The following TTC7B variants were observed in gnomAD, a reference collection of about 807,000 sequenced individuals.
TTC7B encodes tetratricopeptide repeat domain 7B, also known as tetratricopeptide repeat protein 7B.
Under a neutral mutation model 106.8 loss-of-function variants are expected in TTC7B, and 28 were observed. The ratio of observed to expected loss-of-function variants is 0.26; its 90% CI spans 0.19 to 0.36. The LOEUF is 0.36. Ranked by LOEUF, TTC7B falls within the 10% of genes least tolerant of loss-of-function variation. TTC7B has a pLI of 1.00. For missense variants in TTC7B, 862 were observed against 1,076.4 expected, an observed-to-expected ratio of 0.80 and a Z score of 2.79; for synonymous variants, 405 against 430.6, an observed-to-expected ratio of 0.94 and a Z score of 0.74.
intron 19 of TTC7B, among the ~76,000 whole-genome samples, chr14:90,549,790 G>C (rs1890000270): frequency 6.6e-6 from 1 of 152,132 alleles, no homozygotes. Context: ...TAACCAAACG[G>C]GGGAGTTAGT....
intron 1 of TTC7B, among the ~76,000 whole-genome samples, chr14:90,809,669 C>T (rs1231842713): frequency 1.3e-5 from 2 of 152,282 alleles, no homozygotes; most frequent in East Asian, 1.9e-4. Flanking sequence ...CTCGGCCTGA[C>T]TTCCTTACTT....
In TTC7B at chr14:90,815,596, C is replaced by T. The variant is rs114612941; in HGVS notation, c.121+579G>A. ...GCAGCCTTGATGCTACTTCTCCGAA[C>T]GCCAGGACGCACATCCCAGCCTGCT... On this transcript the variant is annotated intron_variant, in intron 1 of 19. Transcript: ENST00000328459. Among the ~76,000 whole-genome samples, 882 of 152,192 alleles carry T rather than the reference C, an allele frequency of 5.8e-3. 14 individuals are homozygous for T. The highest frequency in any genetic ancestry group is 0.02 in the African/African-American group (846 of 41,492).
chr14:90,624,570 G>T lies in TTC7B; in HGVS notation c.1752-6525C>A, dbSNP rs1294116539. On this transcript the variant is annotated intron_variant, in intron 15 of 19. Coordinates refer to ENST00000328459, the MANE Select transcript of TTC7B (RefSeq NM_001010854.2). The surrounding 1 kb of genome is among the most constrained non-coding windows in gnomAD (Gnocchi z 4.0). ...CAGTGAGTCCCAGACTTGGGCAGGG[G>T]CCAAAGATAGAGTGAAAAGGGCAGA... 6.6e-6 allele frequency among the ~76,000 whole-genome samples: 1 copy of T among 152,228 alleles called. No individual in the cohort carries two copies. Among genetic ancestry groups the T allele is most frequent in the Non-Finnish European group, 1.5e-5 (1 of 68,038 alleles).
At chr14:90,787,262 C>T (rs1312581978) in intron 1 of TTC7B, among the ~76,000 whole-genome samples, 1 of 152,186 alleles carries the variant, frequency 6.6e-6, no homozygotes, top group Non-Finnish European at 1.5e-5. Flanking sequence ...TCTATATTGG[C>T]TTAATTCAAA....
intron 3 of TTC7B, among the ~76,000 whole-genome samples, chr14:90,776,402 C>T (rs1003171343): frequency 7.2e-5 from 11 of 152,128 alleles, no homozygotes. Flanking sequence ...GGTAGATGAC[C>T]TTCTTCTAGG....
intron 4 of TTC7B, among the ~76,000 whole-genome samples, chr14:90,744,457 C>T (rs1400668686): frequency 2.6e-5 from 4 of 152,044 alleles, no homozygotes; most frequent in East Asian, 1.9e-4. Context: ...TATAGATGCC[C>T]GCCACCATGC....
chr14:90,571,545 A>AT lies in TTC7B; in HGVS notation c.2310+6560dup, dbSNP rs145383576. 2.8e-4 allele frequency among the ~76,000 whole-genome samples: 43 copies of AT among 152,360 alleles called. No homozygotes were observed. In the East Asian group the frequency reaches 8.1e-3, roughly 29 times the overall value. On this transcript the variant is annotated intron_variant, in intron 19 of 19. Transcript: ENST00000328459. Reference sequence around the variant, plus strand: ...AGTTATTCTCCTCAATTTGGAAAACATTTTTTAATTATGAAAGAAAGCAAA... The same window carrying AT: ...AGTTATTCTCCTCAATTTGGAAAACATTTTTTTAATTATGAAAGAAAGCAAA...
rs115629162 is a variant in TTC7B, at chr14:90,715,648, C to G, written c.698+14427G>C. 7.6e-3 allele frequency among the ~76,000 whole-genome samples: 1,158 copies of G among 152,250 alleles called. 17 individuals carry two copies. The highest frequency in any genetic ancestry group is 0.026 in the African/African-American group (1,100 of 41,512). On this transcript the variant is annotated intron_variant, in intron 5 of 19. Coordinates refer to ENST00000328459, the MANE Select transcript of TTC7B (RefSeq NM_001010854.2). ...AGTGAAGGGACTTGCCAAGGTCACA[C>G]TGCTGGTCAACAGGAGACCAAGCAT...
intron 17 of TTC7B, chr14:90,605,718 G>A (rs1198417644): frequency 4.7e-6 from 6 of 1,286,266 alleles, no homozygotes; most frequent in East Asian, 5.6e-5. Context: ...GAGGAGATTC[G>A]GTTCTTGAAA....
At chr14:90,746,542 ATT>A (rs1889973530) in intron 3 of TTC7B, among the ~76,000 whole-genome samples, 1 of 151,854 alleles carries the variant, frequency 6.6e-6, no homozygotes, top group African/African-American at 2.4e-5. Flanking sequence ...GGTTTCATTG[ATT>A]TTTCTCTATC....
rs547056898 is a variant in TTC7B at position 90,791,187 on chromosome 14, C to A, written c.122-4859G>T. ...TTCACCGCTACTTAGTGAACACCTA[C>A]GAATATTCCAAGCGCTGCAGACCTC... On this transcript the variant is annotated intron_variant, in intron 1 of 19. Transcript: ENST00000328459. Among the ~76,000 whole-genome samples, 6 of 152,222 alleles carry A rather than the reference C, an allele frequency of 3.9e-5. 1 individual carries two copies. In the South Asian group the frequency reaches 1.2e-3, roughly 32 times the overall value.
chr14:90,548,205 A>C (rs945230371), intron 19 of TTC7B, among the ~76,000 whole-genome samples: 3 of 152,192 alleles, frequency 2.0e-5, no homozygotes, highest in African/African-American at 4.8e-5. Context: ...CCCTCACCAC[A>C]TCACAGCCGG....
intron 3 of TTC7B, among the ~76,000 whole-genome samples, chr14:90,765,438 C>T (rs975573052): frequency 2.0e-5 from 3 of 152,098 alleles, no homozygotes; most frequent in Admixed American, 6.6e-5. Context: ...CTGAATTGTA[C>T]ACTTTAAAGG....
intron 19 of TTC7B, among the ~76,000 whole-genome samples, chr14:90,563,560 A>G (rs1167425708): frequency 1.3e-5 from 2 of 152,202 alleles, no homozygotes; most frequent in African/African-American, 4.8e-5. Flanking sequence ...GGATGCTGGA[A>G]GGTGAGGCCC....
intron 5 of TTC7B, among the ~76,000 whole-genome samples, chr14:90,709,578 C>G (rs141698060): frequency 0.11 from 15,949 of 148,950 alleles, 927 homozygotes; most frequent in Admixed American, 0.18. Flanking sequence ...GGAGATATAC[C>G]TAATGCTAAA....
rs1355435067 is a variant in TTC7B, at chr14:90,695,522, C to T, written c.755G>A (p.Arg252Lys). The T allele has an allele frequency of 6.3e-7, 1 of 1,593,022 alleles. No individual in the cohort carries two copies. The highest frequency in any genetic ancestry group is 8.5e-7 in the Non-Finnish European group (1 of 1,170,700). Residue 252 changes from arginine (R) to lysine (K), a missense_variant, in exon 6 of 20, where the codon AGA becomes AAA. Transcript: ENST00000328459. ...FRELLRAVETRTTQNLRMTIA... is the reference protein window; with the variant it reads ...FRELLRAVETKTTQNLRMTIA... The stretch of plus-strand genomic sequence containing the variant: ...TACCATTCGCAGGTTTTGAGTCGTT[C>T]TTGTTTCAACTGCTCTGAGAAGCTC...
At position 90,527,886 on chromosome 14, in the gene TTC7B, C is replaced by T. The variant is rs1455085208; in HGVS notation, c.*13482G>A. ...TGTGACTCACTTTATGATCACATCA[C>T]AAGCTAAAGGAAAATGGCGAGCCAG... On this transcript the variant is annotated 3_prime_UTR_variant, in exon 20 of 20. Transcript: ENST00000328459. 6.6e-6 allele frequency: 1 copy of T among 151,406 alleles called. No homozygotes were observed. The highest frequency in any genetic ancestry group is 2.4e-5 in the African/African-American group (1 of 41,242). 9.4% of individuals were successfully genotyped at this position (151,406 alleles called of 1,614,324 possible).
intron 15 of TTC7B, among the ~76,000 whole-genome samples, chr14:90,639,083 GAT>G (rs1885061652): frequency 6.6e-6 from 1 of 152,196 alleles, no homozygotes; most frequent in Non-Finnish European, 1.5e-5. Flanking sequence ...CAGTGTGAAA[GAT>G]AGCACAAGAG....
chr14:90,608,615 G>A lies in TTC7B; in HGVS notation c.1966+2127C>T, dbSNP rs1892749801. Among the ~76,000 whole-genome samples, 3 of 152,108 alleles carry A rather than the reference G, an allele frequency of 2.0e-5. No individual in the cohort carries two copies. The South Asian group carries it at 6.2e-4, about 32-fold the overall frequency. On this transcript the variant is annotated intron_variant, in intron 17 of 19. Transcript: ENST00000328459. The surrounding 1 kb of genome is among the most constrained non-coding windows in gnomAD (Gnocchi z 5.1). ...CCACTAAGCAGAGGGGGAGGAGGAA[G>A]ACCCGGGGGCCAGGCCCAACCCAGG...
Sources: allele counts gnomAD v4.1 joint callset (sites outside exome capture counted in the v4.1 genomes callset), GRCh38; gene constraint gnomAD v4.1.1; non-coding constraint Gnocchi (gnomAD v3.1); transcripts MANE v1.5; gene names NCBI Gene and HGNC (gene_info 2026-07-23, HGNC 2026-07-21).